The following TMEM144 variants were observed in gnomAD, a reference collection of about 807,000 sequenced individuals.
TMEM144 encodes the protein transmembrane protein 144.
A neutral mutation model predicts 43.6 loss-of-function variants in TMEM144; 39 were observed. The ratio of observed to expected loss-of-function variants is 0.90; its 90% CI spans 0.69 to 1.17. TMEM144 has a LOEUF of 1.17. TMEM144 is among the 50% of genes most tolerant of loss of function. The probability of loss-of-function intolerance (pLI) is 0.00; values close to 1 mark genes in which losing one functional copy is unlikely to be tolerated. For missense variants in TMEM144, 417 were observed against 411.9 expected, an observed-to-expected ratio of 1.01 and a Z score of -0.11; for synonymous variants, 154 against 133.6, an observed-to-expected ratio of 1.15 and a Z score of -1.06.
chr4:158,240,976 G>A (rs981572714), intron 10 of TMEM144, among the ~76,000 whole-genome samples: 1 of 152,072 alleles, frequency 6.6e-6, no homozygotes, highest in Non-Finnish European at 1.5e-5. Flanking sequence ...TTTTTTAAAG[G>A]CAAAAATAAA....
chr4:158,217,223 C>A, intron 4 of TMEM144, 98 bp from the exon 5 acceptor site: 1 of 779,330 alleles, frequency 1.3e-6, no homozygotes, highest in Non-Finnish European at 2.0e-6. Flanking sequence ...GTCCAAATCA[C>A]ATGCACTTCA....
intron 6 of TMEM144, among the ~76,000 whole-genome samples, chr4:158,228,926 C>T (rs1018470851): frequency 3.3e-4 from 50 of 152,014 alleles, no homozygotes; most frequent in African/African-American, 1.1e-3. Flanking sequence ...GTGAGAGGGT[C>T]GTGATGGATT....
chr4:158,235,906 C>G (rs1256034947), intron 8 of TMEM144, among the ~76,000 whole-genome samples: 3 of 152,200 alleles, frequency 2.0e-5, no homozygotes, highest in Non-Finnish European at 4.4e-5. Context: ...TCCCCACACT[C>G]CTGTGTTTAG....
intron 6 of TMEM144, among the ~76,000 whole-genome samples, chr4:158,223,922 A>G: frequency 6.6e-6 from 1 of 152,222 alleles, no homozygotes; most frequent in Non-Finnish European, 1.5e-5. Flanking sequence ...CTTTGGGTAT[A>G]TACCCAGTAA....
intron 3 of TMEM144, chr4:158,213,944 A>G (rs1308122220): frequency 6.6e-6 from 1 of 152,232 alleles, no homozygotes; most frequent in East Asian, 1.9e-4. Context: ...AAATATTACC[A>G]GCTCTGCTGT....
At chr4:158,244,026 G>A (rs1735752977) in intron 11 of TMEM144, among the ~76,000 whole-genome samples, 1 of 152,044 alleles carries the variant, frequency 6.6e-6, no homozygotes, top group South Asian at 2.1e-4. Context: ...AATAATTTAT[G>A]TCAGATATAT....
chr4:158,212,662 G>A lies in TMEM144; in HGVS notation c.-6G>A. 6.2e-7 allele frequency: 1 copy of A among 1,603,294 alleles called. No homozygotes were observed. The highest frequency in any genetic ancestry group is 8.5e-7 in the Non-Finnish European group (1 of 1,174,178). On this transcript the variant is annotated 5_prime_UTR_variant, in exon 3 of 13. Coordinates refer to ENST00000296529, the MANE Select transcript of TMEM144 (RefSeq NM_018342.5). The stretch of plus-strand genomic sequence containing the variant: ...GTGAACCAGCTAACTCATTAAGACT[G>A]GAATCATGAGCAACAATGGAGCAGA...
At chr4:158,243,975 G>A (rs1735751094) in intron 11 of TMEM144, among the ~76,000 whole-genome samples, 1 of 151,970 alleles carries the variant, frequency 6.6e-6, no homozygotes, top group African/African-American at 2.4e-5. Context: ...AGTATCCTAA[G>A]GAACTAGGCC....
In TMEM144 at chr4:158,241,304, A is replaced by G. The variant is rs140073841; in HGVS notation, c.803-205A>G. Reference sequence around the variant, plus strand: ...ACTTTAATGCTGATAATGTGAAAGCATTGATCACTCTACCCATAGCAGGCA... The same window carrying G: ...ACTTTAATGCTGATAATGTGAAAGCGTTGATCACTCTACCCATAGCAGGCA... On this transcript the variant is annotated intron_variant, in intron 10 of 12. Transcript: ENST00000296529. Among the ~76,000 whole-genome samples, 690 of 152,246 alleles carry G rather than the reference A, an allele frequency of 4.5e-3. 8 individuals carry two copies. The highest frequency in any genetic ancestry group is 0.016 in the African/African-American group (667 of 41,514).
At chr4:158,242,009 G>C in intron 11 of TMEM144, among the ~76,000 whole-genome samples, 1 of 152,208 alleles carries the variant, frequency 6.6e-6, no homozygotes, top group East Asian at 1.9e-4. Context: ...ATAGTAGACA[G>C]AGAGTTGGTT....
rs749399750 is a variant in TMEM144 at position 158,240,354 on chromosome 4, C to G, written c.738C>G (p.Tyr246Ter). The G allele has an allele frequency of 6.8e-6, 11 of 1,613,848 alleles. No homozygotes were observed. Among genetic ancestry groups the G allele is most frequent in the Admixed American group, 5.0e-5 (3 of 59,956 alleles). The change falls in exon 10 of 13, where the codon TAC (tyrosine) becomes TAG (stop). Residue 246 changes from tyrosine to a stop codon, truncating the protein, a stop_gained. Transcript: ENST00000296529. LOFTEE classifies it high-confidence loss of function. ...FSGIFLTSTV[Y>*]FLAYCIAMKN... is the part of the protein sequence containing the mutation. ...GCATCTTTCTTACAAGTACTGTCTA[C>G]TTTCTGGCCTACTGCATAGCCATGA...
intron 5 of TMEM144, 45 bp from the exon 6 acceptor site, chr4:158,219,265 A>G (rs1171930962): frequency 1.9e-6 from 3 of 1,593,814 alleles, no homozygotes; most frequent in African/African-American, 1.3e-5. Flanking sequence ...TTATGGTGAA[A>G]CATCTTAACA....
chr4:158,253,569 G>C lies in TMEM144; in HGVS notation c.*42G>C, dbSNP rs769459805. 6.7e-7 allele frequency: 1 copy of C among 1,489,362 alleles called. No homozygotes were observed. Among genetic ancestry groups the C allele is most frequent in the South Asian group, 1.1e-5 (1 of 87,530 alleles). The allele number at this position is 1,489,362 out of a possible 1,614,324, so 92.3% of individuals were successfully genotyped here. On this transcript the variant is annotated 3_prime_UTR_variant, in exon 13 of 13. Coordinates refer to ENST00000296529, the MANE Select transcript of TMEM144 (RefSeq NM_018342.5). The stretch of plus-strand genomic sequence containing the variant: ...AGGTGGCAGCAGTAGTTAAGAGAAC[G>C]CGTCTATCGGACAGCGGAGAGATCA...
chr4:158,249,130 C>G (rs907537280), intron 12 of TMEM144, among the ~76,000 whole-genome samples: 34 of 152,210 alleles, frequency 2.2e-4, no homozygotes, highest in Non-Finnish European at 4.0e-4. Context: ...TTGTCTCGAA[C>G]TCCTGATCTT....
At position 158,253,898 on chromosome 4, in the gene TMEM144, C is replaced by T. The variant is rs892088881; in HGVS notation, c.*371C>T. ...CAAAGAAGTTACAGTCCATATTTCT[C>T]ACCTATTACCCCAGTGAAGTGAGGC... On this transcript the variant is annotated 3_prime_UTR_variant, in exon 13 of 13. Transcript: ENST00000296529. 5 of 159,300 alleles carry T rather than the reference C, an allele frequency of 3.1e-5. No individual in the cohort carries two copies. The highest frequency in any genetic ancestry group is 1.2e-4 in the African/African-American group (5 of 41,638). 9.9% of individuals were successfully genotyped at this position (159,300 alleles called of 1,614,324 possible). A position where few individuals can be genotyped will look rare whatever the true frequency, so the allele number is the denominator to read the frequency against.
At chr4:158,239,032 A>C (rs1321811580) in intron 9 of TMEM144, among the ~76,000 whole-genome samples, 1 of 152,208 alleles carries the variant, frequency 6.6e-6, no homozygotes, top group Non-Finnish European at 1.5e-5. Context: ...CATAGCAACT[A>C]ATACCCTTTC....
intron 12 of TMEM144, among the ~76,000 whole-genome samples, chr4:158,249,929 TGTG>T (rs1258289364): frequency 6.7e-6 from 1 of 150,006 alleles, no homozygotes; most frequent in African/African-American, 2.5e-5. Flanking sequence ...TGTGTGTGTG[TGTG>T]TTTAAATAAG....
intron 6 of TMEM144, among the ~76,000 whole-genome samples, chr4:158,227,278 A>T (rs1040787874): frequency 1.3e-5 from 2 of 151,500 alleles, no homozygotes; most frequent in Non-Finnish European, 1.5e-5. Flanking sequence ...TTTTTGTTTT[A>T]TTTTTTTTCT....
intron 12 of TMEM144, among the ~76,000 whole-genome samples, chr4:158,246,937 A>G (rs1464189942): frequency 2.0e-5 from 3 of 151,962 alleles, no homozygotes; most frequent in Non-Finnish European, 4.4e-5. Context: ...AACCCTATTC[A>G]AAGAGAATCC....
Sources: gnomAD v4.1 joint callset for allele counts (sites outside exome capture counted in the v4.1 genomes callset) on GRCh38, gnomAD v4.1.1 for gene constraint, MANE v1.5 for transcripts, NCBI Gene and HGNC (gene_info 2026-07-23, HGNC 2026-07-21) for gene names.